The following PDE6B variants were observed in gnomAD, a reference collection of about 807,000 sequenced individuals.
PDE6B encodes the protein rod cGMP-specific 3',5'-cyclic phosphodiesterase subunit beta.
PDE6B carries 106 observed loss-of-function variants against 109.0 expected under a neutral mutation model. That is an observed-to-expected ratio of 0.97 (90% CI 0.83 to 1.14). PDE6B has a LOEUF of 1.14. Among genes scored for constraint, PDE6B ranks in the 50% most tolerant of loss-of-function variants. The pLI, the probability that PDE6B is intolerant of heterozygous loss-of-function variation, is 0.00. For synonymous variants in PDE6B, 490 were observed against 471.3 expected, an observed-to-expected ratio of 1.04 and a Z score of -0.51; for missense variants, 1,193 against 1,155.6, an observed-to-expected ratio of 1.03 and a Z score of -0.47.
rs553464199 is a variant in PDE6B at position 663,443 on chromosome 4, G to C, written c.1920+256G>C. Among the ~76,000 whole-genome samples, 53 of 152,304 alleles carry C rather than the reference G, an allele frequency of 3.5e-4. No homozygotes were observed. Among genetic ancestry groups the C allele is most frequent in the African/African-American group, 1.2e-3 (51 of 41,576 alleles). ...GTGGGGTGGAAGCCGAAGGGGAAGC[G>C]GCCCGGGACCCACCAGCGGGGGAAT... On this transcript the variant is annotated intron_variant, in intron 15 of 21. Coordinates refer to ENST00000496514, the MANE Select transcript of PDE6B (RefSeq NM_000283.4). The surrounding 1 kb of genome is among the most constrained non-coding windows in gnomAD (Gnocchi z 4.0).
rs1736434131 is a variant in PDE6B at position 657,514 on chromosome 4, C to T, written c.1401+20C>T. The T allele has an allele frequency of 6.8e-7, 1 of 1,464,924 alleles. No individual in the cohort carries two copies. The highest frequency in any genetic ancestry group is 9.5e-7 in the Non-Finnish European group (1 of 1,049,694). The allele number at this position is 1,464,924 out of a possible 1,614,324, so 90.7% of individuals were successfully genotyped here. On this transcript the variant is annotated intron_variant, in intron 10 of 21. Transcript: ENST00000496514. ...ATCCTGGTGCGGCGGGGCAGGACGTCCAGGGGTCACCCAGGGGTCACGGCT... is the reference window on the plus strand; with the variant it reads ...ATCCTGGTGCGGCGGGGCAGGACGTTCAGGGGTCACCCAGGGGTCACGGCT...
Position 663,119 on chromosome 4 carries a change from A to C in PDE6B, c.1852A>C (p.Lys618Gln), listed in dbSNP as rs1169477125. Reference protein sequence around the residue: ...YQMKSQNPLAKLHGSSILERH... With the variant: ...YQMKSQNPLAQLHGSSILERH... The stretch of plus-strand genomic sequence containing the variant: ...TAACAGGTCCCAGAACCCCTTGGCT[A>C]AGCTCCACGGCTCCTCGATTTTGGA... Residue 618 changes from lysine to glutamine, a missense_variant, in exon 15 of 22, where the codon AAG becomes CAG. By Grantham distance (53) the Lys-to-Gln change is moderately conservative (BLOSUM62 1). Transcript: ENST00000496514. The surrounding 1 kb of genome is among the most constrained non-coding windows in gnomAD (Gnocchi z 4.0). 2 of 1,610,426 alleles carry C rather than the reference A, an allele frequency of 1.2e-6. No individual in the cohort carries two copies. The highest frequency in any genetic ancestry group is 3.3e-5 in the Admixed American group (2 of 60,022).
At chr4:657,121 CGTGTGCTCATGT>C in intron 9 of PDE6B, 98 bp downstream of exon 9, 1 of 1,332,572 alleles carries the variant, frequency 7.5e-7, no homozygotes, top group Non-Finnish European at 1.1e-6. Flanking sequence ...CGGCTGTGTG[CGTGTGCTCATGT>C]GTGTGCGGTA....
chr4:670,073 C>T lies in PDE6B; in HGVS notation c.2531C>T (p.Pro844Leu). The T allele has an allele frequency of 1.9e-6, 3 of 1,613,198 alleles. No individual in the cohort carries two copies. The highest frequency in any genetic ancestry group is 1.3e-5 in the African/African-American group (1 of 75,004). ...GGCACAGAAATTTGCAATGGCGGCCCAGCACCCAAGTCTTCAACCTGCTGT... is the reference window on the plus strand; with the variant it reads ...GGCACAGAAATTTGCAATGGCGGCCTAGCACCCAAGTCTTCAACCTGCTGT... ...KVGTEICNGG[P>L]APKSSTCCIL The change falls in exon 22 of 22, where the codon CCA becomes CTA. Residue 844 changes from proline to leucine, a missense_variant. Coordinates refer to ENST00000496514, the MANE Select transcript of PDE6B (RefSeq NM_000283.4).
At position 633,812 on chromosome 4, in the gene PDE6B, G is replaced by A. The variant is rs531734676; in HGVS notation, c.469-865G>A. On this transcript the variant is annotated intron_variant, in intron 1 of 21. Transcript: ENST00000496514. This position sits in a 1 kb window ranked among gnomAD's most constrained non-coding sequence, Gnocchi z 4.5. ...AAATGTCAGAACCAGGAAGTAAGAG[G>A]AGGGTCTGGGGTCACATCCAACTCT... Among the ~76,000 whole-genome samples, 3 of 152,308 alleles carry A rather than the reference G, an allele frequency of 2.0e-5. No individual in the cohort carries two copies. The East Asian group carries it at 5.8e-4, about 29-fold the overall frequency.
chr4:668,727 C>G (rs1738112810), intron 21 of PDE6B, among the ~76,000 whole-genome samples: 1 of 111,190 alleles, frequency 9.0e-6, no homozygotes, highest in Admixed American at 8.2e-5. Flanking sequence ...CATGCTATTC[C>G]TGCTATGCCA....
Position 657,465 on chromosome 4 carries a change from TG to T in PDE6B, c.1373del (p.Cys458SerfsTer32). 2 of 1,613,304 alleles carry T rather than the reference TG, an allele frequency of 1.2e-6. No homozygotes were observed. Among genetic ancestry groups the T allele is most frequent in the Non-Finnish European group, 1.7e-6 (2 of 1,179,918 alleles). ...AQDMVLYHVK[C>X]DRDEIQLILP... ...GGACATGGTCCTTTACCACGTGAAG[TG>T]CGACAGGGACGAGATCCAGCTCATC... On this transcript the variant is annotated frameshift_variant, in exon 10 of 22. Coordinates refer to ENST00000496514, the MANE Select transcript of PDE6B (RefSeq NM_000283.4). LOFTEE classifies it high-confidence loss of function.
chr4:653,727 G>C, intron 3 of PDE6B, 125 bp from the exon 4 acceptor site: 1 of 1,085,748 alleles, frequency 9.2e-7, no homozygotes. Context: ...AGGCTCCACG[G>C]CTGGGCAGGT....
chr4:657,073 G>C (rs552237224), intron 9 of PDE6B, 50 bp downstream of exon 9: 2 of 1,586,842 alleles, frequency 1.3e-6, no homozygotes, highest in South Asian at 2.2e-5. Flanking sequence ...TGCGAGGGGT[G>C]GGGCCTGTGC....
rs1269737812 is a variant in PDE6B, at chr4:659,071, G to A, written c.1467+54G>A. 30 of 1,331,376 alleles carry A rather than the reference G, an allele frequency of 2.3e-5. 1 individual carries two copies. The South Asian group carries it at 2.9e-4, about 13-fold the overall frequency. 82.5% of individuals were successfully genotyped at this position (1,331,376 alleles called of 1,614,324 possible). A position where few individuals can be genotyped will look rare whatever the true frequency, so the allele number is the denominator to read the frequency against. On this transcript the variant is annotated intron_variant, in intron 11 of 21. Transcript: ENST00000496514. Reference sequence around the variant, plus strand: ...GGAGGCCGGCCACGTGTGAGGCTGGGAGGAAGAGTTCTGCATTCTCCGGGA... The same window carrying A: ...GGAGGCCGGCCACGTGTGAGGCTGGAAGGAAGAGTTCTGCATTCTCCGGGA...
Position 655,992 on chromosome 4 carries a change from G to C in PDE6B, c.1045G>C (p.Ala349Pro). The C allele has an allele frequency of 6.2e-7, 1 of 1,604,920 alleles. No homozygotes were observed. Among genetic ancestry groups the C allele is most frequent in the Non-Finnish European group, 8.5e-7 (1 of 1,172,042 alleles). The change falls in exon 7 of 22, where the codon GCA becomes CCA. Residue 349 changes from alanine (A) to proline (P), a missense_variant. Physicochemically the swap from Ala to Pro is conservative, Grantham distance 27. Coordinates refer to ENST00000496514, the MANE Select transcript of PDE6B (RefSeq NM_000283.4). The part of the protein sequence containing the change: ...ALASGLPSYV[A>P]ESGFICNIMN... ...GGCCAGCGGCCTTCCAAGCTACGTG[G>C]CAGAAAGCGGCTTTGTGAGTCCCGT...
chr4:665,429 G>C lies in PDE6B; in HGVS notation c.2268+100G>C. ...GTCCTGGCTTGGTCTCAGGCAGGGG[G>C]TTCTGAGGTCGTGGGGTCCTTATCT... On this transcript the variant is annotated intron_variant, in intron 19 of 21. Coordinates refer to ENST00000496514, the MANE Select transcript of PDE6B (RefSeq NM_000283.4). This position sits in a 1 kb window ranked among gnomAD's most constrained non-coding sequence, Gnocchi z 4.0. The C allele has an allele frequency of 1.2e-6, 1 of 810,008 alleles. No individual in the cohort carries two copies. Among genetic ancestry groups the C allele is most frequent in the South Asian group, 1.4e-5 (1 of 70,436 alleles). The allele number at this position is 810,008 out of a possible 1,614,324, so 50.2% of individuals were successfully genotyped here. A position where few individuals can be genotyped will look rare whatever the true frequency, so the allele number is the denominator to read the frequency against.
At chr4:649,780 GCTGGGCAGCCAGTGGGGATCCCAT>G (rs1735403480) in intron 3 of PDE6B, among the ~76,000 whole-genome samples, 1 of 152,144 alleles carries the variant, frequency 6.6e-6, no homozygotes, top group Admixed American at 6.5e-5. Context: ...TACTCCACTG[GCTGGGCAGCCAGTGGGGATCCCAT>G]CTGCCCTGGC....
At chr4:634,476 G>T (rs1195338693) in intron 1 of PDE6B, among the ~76,000 whole-genome samples, 1 of 152,140 alleles carries the variant, frequency 6.6e-6, no homozygotes, top group Non-Finnish European at 1.5e-5. Context: ...CCGCACAGGG[G>T]TGCATGGAGC....
chr4:630,387 T>A (rs1382880697), intron 1 of PDE6B, among the ~76,000 whole-genome samples: 1 of 152,038 alleles, frequency 6.6e-6, no homozygotes, highest in East Asian at 1.9e-4. Flanking sequence ...GCCCGGCTGG[T>A]ACCGAGTGCC....
At chr4:635,513 G>A (rs1448627471) in intron 2 of PDE6B, among the ~76,000 whole-genome samples, 2 of 113,870 alleles carry the variant, frequency 1.8e-5, no homozygotes, top group Admixed American at 8.6e-5. Flanking sequence ...TGTGCTGTGC[G>A]TCCACCTCCT....
rs1466494885 is a variant in PDE6B, at chr4:654,169, A to G, written c.927+15A>G. On this transcript the variant is annotated intron_variant, in intron 5 of 21. Coordinates refer to ENST00000496514, the MANE Select transcript of PDE6B (RefSeq NM_000283.4). The stretch of plus-strand genomic sequence containing the variant: ...CTGATGGCCGGGTGAGTCTTAGGGG[A>G]GGGGCCCAGGGCCTGTCCACACGCC... 1.2e-6 allele frequency: 2 copies of G among 1,606,430 alleles called. No homozygotes were observed. The highest frequency in any genetic ancestry group is 2.2e-5 in the East Asian group (1 of 44,822).
At position 665,235 on chromosome 4, in the gene PDE6B, C is replaced by G; in HGVS notation, c.2194-20C>G. 1.3e-6 allele frequency: 2 copies of G among 1,591,478 alleles called. No individual in the cohort carries two copies. Among genetic ancestry groups the G allele is most frequent in the Non-Finnish European group, 1.7e-6 (2 of 1,160,382 alleles). On this transcript the variant is annotated intron_variant, in intron 18 of 21. Transcript: ENST00000496514. The surrounding 1 kb of genome is among the most constrained non-coding windows in gnomAD (Gnocchi z 4.0). Reference sequence around the variant, plus strand: ...CGTGGGCTCAGAGCTCCACAGACAGCTGCCTTCCTGTGCCTCCAGGTCGCA... The same window carrying G: ...CGTGGGCTCAGAGCTCCACAGACAGGTGCCTTCCTGTGCCTCCAGGTCGCA...
chr4:643,284 G>A (rs984381078), intron 3 of PDE6B, among the ~76,000 whole-genome samples: 2 of 151,954 alleles, frequency 1.3e-5, no homozygotes, highest in African/African-American at 4.8e-5. Flanking sequence ...CTCCAGCCAG[G>A]GAGACAGAGC....
Sources: allele counts gnomAD v4.1 joint callset (sites outside exome capture counted in the v4.1 genomes callset), GRCh38; gene constraint gnomAD v4.1.1; non-coding constraint Gnocchi (gnomAD v3.1); transcripts MANE v1.5; gene names NCBI Gene and HGNC (gene_info 2026-07-23, HGNC 2026-07-21).